Variants in NEK10 observed in about 807,000 individuals in gnomAD.
The protein encoded by NEK10 is NIMA related kinase 10, also known as serine/threonine-protein kinase Nek10.
NEK10 carries 122 observed loss-of-function variants against 159.8 expected under a neutral mutation model. That is an observed-to-expected ratio of 0.76 (90% CI 0.66 to 0.89). The LOEUF is 0.89. Among genes scored for constraint, NEK10 ranks in the 40% least tolerant of loss-of-function variants. The probability of loss-of-function intolerance (pLI) is 0.00; values close to 1 mark genes in which losing one functional copy is unlikely to be tolerated. For missense variants in NEK10, 1,342 were observed against 1,323.1 expected (o/e 1.01, Z -0.22); for synonymous variants, 466 against 457.1 (o/e 1.02, Z -0.25).
At chr3:27,262,418 A>G (rs2149356285) in intron 22 of NEK10, among the ~76,000 whole-genome samples, 2 of 152,298 alleles carry the variant, frequency 1.3e-5, no homozygotes, top group Middle Eastern at 6.8e-3. Flanking sequence ...ATAATATCCC[A>G]CAGAGTGTTT....
At chr3:27,360,128 G>A (rs1007639555) in intron 1 of NEK10, among the ~76,000 whole-genome samples, 10 of 152,152 alleles carry the variant, frequency 6.6e-5, no homozygotes, top group Admixed American at 5.2e-4. Context: ...CTAAACTGTT[G>A]TCTTGATTTT....
At chr3:27,255,406 A>G (rs1956075171) in intron 23 of NEK10, 6 of 213,646 alleles carry the variant, frequency 2.8e-5, no homozygotes, top group Middle Eastern at 4.8e-4. Flanking sequence ...ACTTTGTAAA[A>G]TTAGGCTGCT....
chr3:27,223,231 T>A (rs992770995), intron 23 of NEK10, among the ~76,000 whole-genome samples: 4 of 152,324 alleles, frequency 2.6e-5, no homozygotes, highest in Middle Eastern at 3.4e-3. Flanking sequence ...TCTTCCTCCA[T>A]CAACGGCTCT....
At chr3:27,334,333 C>T (rs747371524) in intron 5 of NEK10, among the ~76,000 whole-genome samples, 6 of 152,202 alleles carry the variant, frequency 3.9e-5, no homozygotes, top group African/African-American at 7.2e-5. Context: ...TACCATCACT[C>T]AAACATACCA....
chr3:27,229,373 C>A (rs554689685), intron 23 of NEK10, among the ~76,000 whole-genome samples: 5 of 152,122 alleles, frequency 3.3e-5, no homozygotes, highest in Non-Finnish European at 7.4e-5. Context: ...AGAGTTAAAT[C>A]AAAAATAAAT....
At chr3:27,174,570 CAGGA>C in intron 27 of NEK10, 45 bp from the exon 28 acceptor site, 4 of 1,601,836 alleles carry the variant, frequency 2.5e-6, no homozygotes, top group Non-Finnish European at 3.4e-6. Context: ...AGTCTTGAAA[CAGGA>C]AGGAGTCCAG....
intron 25 of NEK10, among the ~76,000 whole-genome samples, chr3:27,196,858 C>G (rs7620772): frequency 0.66 from 99,770 of 152,094 alleles, 34,838 homozygotes; most frequent in African/African-American, 0.91. Flanking sequence ...AAACAACAGA[C>G]AACAGGAACA....
At chr3:27,330,947 C>A (rs1457582310) in intron 5 of NEK10, among the ~76,000 whole-genome samples, 1 of 152,038 alleles carries the variant, frequency 6.6e-6, no homozygotes, top group African/African-American at 2.4e-5. Context: ...CCTAAAGACA[C>A]AAACCTGGCT....
At chr3:27,211,116 G>T (rs1202009736) in intron 23 of NEK10, among the ~76,000 whole-genome samples, 1 of 152,306 alleles carries the variant, frequency 6.6e-6, no homozygotes, top group East Asian at 1.9e-4. Flanking sequence ...ACTGCAAAAT[G>T]ATGAGTCAAA....
At chr3:27,113,033 T>C (rs1210360180) in intron 35 of NEK10, among the ~76,000 whole-genome samples, 1 of 152,344 alleles carries the variant, frequency 6.6e-6, no homozygotes, top group East Asian at 1.9e-4. Context: ...GAAATTATTT[T>C]GGAATACTAG....
At chr3:27,205,067 T>C (rs1360075187) in intron 23 of NEK10, among the ~76,000 whole-genome samples, 3 of 152,120 alleles carry the variant, frequency 2.0e-5, no homozygotes, top group African/African-American at 7.2e-5. Flanking sequence ...CTAGTGATGA[T>C]GAGCATTTTT....
At chr3:27,118,469 G>A (rs1290148096) in intron 33 of NEK10, among the ~76,000 whole-genome samples, 1 of 152,218 alleles carries the variant, frequency 6.6e-6, no homozygotes, top group Non-Finnish European at 1.5e-5. Flanking sequence ...TTAGGGTCAA[G>A]AAGAGATGTG....
intron 30 of NEK10, among the ~76,000 whole-genome samples, chr3:27,155,070 T>C (rs1945266354): frequency 6.6e-6 from 1 of 152,104 alleles, no homozygotes; most frequent in Admixed American, 6.5e-5. Context: ...TCCAGAAAGC[T>C]CCTAGAACTG....
At chr3:27,120,000 T>G in intron 32 of NEK10, 132 bp from the exon 33 acceptor site, 1 of 581,042 alleles carries the variant, frequency 1.7e-6, no homozygotes, top group South Asian at 2.6e-5. Flanking sequence ...TTCAATCCCT[T>G]GTAAATAGAT....
At chr3:27,290,502 A>G in intron 19 of NEK10, 115 bp downstream of exon 19, 2 of 742,610 alleles carry the variant, frequency 2.7e-6, no homozygotes, top group Non-Finnish European at 4.1e-6. Context: ...TTCAGTGTCA[A>G]TTATTTCACA....
At chr3:27,284,178 G>A (rs537792481) in intron 22 of NEK10, among the ~76,000 whole-genome samples, 1 of 152,244 alleles carries the variant, frequency 6.6e-6, no homozygotes, top group African/African-American at 2.4e-5. Context: ...ACAAGGCCAG[G>A]AGTTTGAGAC....
chr3:27,204,473 C>A (rs1453210693), intron 23 of NEK10, among the ~76,000 whole-genome samples: 1 of 98,480 alleles, frequency 1.0e-5, no homozygotes, highest in Non-Finnish European at 2.0e-5. Flanking sequence ...CCCCACCCCA[C>A]CACAGTCCCC....
At chr3:27,298,876 C>A (rs1250556079) in intron 13 of NEK10, among the ~76,000 whole-genome samples, 1 of 152,008 alleles carries the variant, frequency 6.6e-6, no homozygotes, top group Non-Finnish European at 1.5e-5. Flanking sequence ...GGGTACCTGG[C>A]AGAAGAAATT....
intron 22 of NEK10, among the ~76,000 whole-genome samples, chr3:27,260,300 T>C (rs1420768785): frequency 6.6e-6 from 1 of 152,174 alleles, no homozygotes; most frequent in Non-Finnish European, 1.5e-5. Context: ...CTTGTGCCAG[T>C]TTTCAAAGGG....
Sources: gnomAD v4.1 joint callset for allele counts (sites outside exome capture counted in the v4.1 genomes callset) on GRCh38, gnomAD v4.1.1 for gene constraint, MANE v1.5 for transcripts, NCBI Gene and HGNC (gene_info 2026-07-23, HGNC 2026-07-21) for gene names.